The following ACVR2A variants were observed in gnomAD, a reference collection of about 807,000 sequenced individuals.
ACVR2A encodes activin receptor type-2A.
A neutral mutation model predicts 61.4 loss-of-function variants in ACVR2A; 7 were observed. The ratio of observed to expected loss-of-function variants is 0.11; its 90% CI spans 0.06 to 0.21. The LOEUF (loss-of-function observed/expected upper bound fraction) is 0.21, where lower values mean the gene tolerates loss of function less well. Among genes scored for constraint, ACVR2A ranks in the 10% least tolerant of loss-of-function variants. The pLI, the probability that ACVR2A is intolerant of heterozygous loss-of-function variation, is 1.00. For synonymous variants in ACVR2A, 193 were observed against 208.3 expected (o/e 0.93, Z 0.63); for missense variants, 322 against 621.7 (o/e 0.52, Z 5.13).
intron 1 of ACVR2A, among the ~76,000 whole-genome samples, chr2:147,868,621 T>TTTTATTTA (rs566332005): frequency 6.6e-6 from 1 of 150,956 alleles, no homozygotes; most frequent in African/African-American, 2.4e-5. Context: ...TTTTATTTTA[T>TTTTATTTA]TTTATTTATT....
intron 1 of ACVR2A, among the ~76,000 whole-genome samples, chr2:147,870,354 ACT>A (rs1023447334): frequency 5.9e-5 from 9 of 151,982 alleles, no homozygotes; most frequent in Admixed American, 2.0e-4. Context: ...ATCTGAAATA[ACT>A]CTATGTATCT....
intron 1 of ACVR2A, among the ~76,000 whole-genome samples, chr2:147,850,901 A>G (rs1685430286): frequency 6.6e-6 from 1 of 152,142 alleles, no homozygotes; most frequent in South Asian, 2.1e-4. Flanking sequence ...TTGAACTGTT[A>G]GAGTGGTGGA....
intron 4 of ACVR2A, among the ~76,000 whole-genome samples, chr2:147,909,996 G>T (rs555310130): frequency 1.3e-5 from 2 of 152,278 alleles, no homozygotes; most frequent in South Asian, 4.1e-4. Context: ...ATACATTGAG[G>T]ACTGTTGCTG....
chr2:147,894,163 A>T (rs2105187638), intron 1 of ACVR2A, among the ~76,000 whole-genome samples: 1 of 152,118 alleles, frequency 6.6e-6, no homozygotes, highest in East Asian at 1.9e-4. Flanking sequence ...TCTTTTCTCT[A>T]CATCAGTTGA....
At chr2:147,920,093 T>C in intron 7 of ACVR2A, 137 bp from the exon 8 acceptor site, 1 of 614,588 alleles carries the variant, frequency 1.6e-6, no homozygotes, top group Non-Finnish European at 2.8e-6. Context: ...GCTTTGTTTG[T>C]CTCACTTTCT....
intron 2 of ACVR2A, 174 bp downstream of exon 2, chr2:147,896,682 T>A: frequency 1.7e-6 from 1 of 593,932 alleles, no homozygotes; most frequent in Non-Finnish European, 2.9e-6. Flanking sequence ...TTTAAAGTAA[T>A]AAACATGGCA....
rs149513896 is a variant in ACVR2A at position 147,912,633 on chromosome 2, C to A, written c.529-2558C>A. 7.0e-3 allele frequency among the ~76,000 whole-genome samples: 1,057 copies of A among 151,866 alleles called. 10 individuals carry two copies. Among genetic ancestry groups the A allele is most frequent in the African/African-American group, 0.024 (993 of 41,482 alleles). Reference sequence around the variant, plus strand: ...ATAATGATGCCAATTAATTGAAAATCATTTCTACTATTATAGGATGAGTGA... The same window carrying A: ...ATAATGATGCCAATTAATTGAAAATAATTTCTACTATTATAGGATGAGTGA... On this transcript the variant is annotated intron_variant, in intron 4 of 10. Transcript: ENST00000241416.
At chr2:147,856,444 A>C (rs982641784) in intron 1 of ACVR2A, among the ~76,000 whole-genome samples, 51 of 152,164 alleles carry the variant, frequency 3.4e-4, no homozygotes, top group African/African-American at 1.2e-3. Context: ...TTACCCTATA[A>C]ATACTATAGG....
intron 1 of ACVR2A, among the ~76,000 whole-genome samples, chr2:147,850,608 A>G (rs182520655): frequency 6.6e-6 from 1 of 152,272 alleles, no homozygotes; most frequent in Admixed American, 6.5e-5. Flanking sequence ...TCTGTGGTAG[A>G]TTTAATTCTG....
At chr2:147,911,973 G>T (rs1687130534) in intron 4 of ACVR2A, among the ~76,000 whole-genome samples, 1 of 151,990 alleles carries the variant, frequency 6.6e-6, no homozygotes, top group African/African-American at 2.4e-5. Flanking sequence ...ATGTGAAATA[G>T]ATATTTTTAG....
chr2:147,850,996 G>A (rs1038314390), intron 1 of ACVR2A, among the ~76,000 whole-genome samples: 18 of 152,134 alleles, frequency 1.2e-4, no homozygotes, highest in Admixed American at 1.2e-3. Flanking sequence ...TGTGGTGTCA[G>A]TGCTGCCAGT....
chr2:147,896,023 A>G (rs939208771), intron 1 of ACVR2A, among the ~76,000 whole-genome samples: 13 of 152,220 alleles, frequency 8.5e-5, no homozygotes, highest in African/African-American at 2.9e-4. Flanking sequence ...GTTTCATAAA[A>G]TTAACAATTT....
At chr2:147,846,447 T>C (rs774709744) in intron 1 of ACVR2A, among the ~76,000 whole-genome samples, 3 of 151,984 alleles carry the variant, frequency 2.0e-5, no homozygotes, top group Non-Finnish European at 2.9e-5. Flanking sequence ...ATATAATCTT[T>C]TGTAATGTAT....
chr2:147,900,070 G>A (rs1004256471), intron 4 of ACVR2A, among the ~76,000 whole-genome samples, 172 bp downstream of exon 4: 6 of 152,066 alleles, frequency 3.9e-5, no homozygotes, highest in African/African-American at 1.2e-4. Flanking sequence ...TGTACCTACC[G>A]TGTCCTTAAC....
At chr2:147,899,394 ACACTTGT>A in intron 2 of ACVR2A, 57 bp from the exon 3 acceptor site, 6 of 1,024,280 alleles carry the variant, frequency 5.9e-6, no homozygotes, top group Non-Finnish European at 8.2e-6. Context: ...CAGAATAAAA[ACACTTGT>A]TGTAGGGTCA....
rs199921967 is a variant in ACVR2A at position 147,896,281 on chromosome 2, T to C, written c.56-20T>C. 2 of 1,584,472 alleles carry C rather than the reference T, an allele frequency of 1.3e-6. No homozygotes were observed. Among genetic ancestry groups the C allele is most frequent in the African/African-American group, 2.7e-5 (2 of 74,152 alleles). Reference sequence around the variant, plus strand: ...TTTAACAGATAATGTGGTTATATTATTGTTTTTATTATCTTATAGGTGCTA... The same window carrying C: ...TTTAACAGATAATGTGGTTATATTACTGTTTTTATTATCTTATAGGTGCTA... On this transcript the variant is annotated intron_variant, in intron 1 of 10. Coordinates refer to ENST00000241416, the MANE Select transcript of ACVR2A (RefSeq NM_001616.5).
intron 10 of ACVR2A, among the ~76,000 whole-genome samples, chr2:147,926,489 A>C (rs114363138): frequency 1.3e-5 from 2 of 152,072 alleles, no homozygotes; most frequent in East Asian, 3.9e-4. Flanking sequence ...ACCACTTCCA[A>C]TATGACAACA....
intron 1 of ACVR2A, among the ~76,000 whole-genome samples, chr2:147,860,451 T>C (rs763340941): frequency 2.0e-5 from 3 of 152,062 alleles, no homozygotes; most frequent in South Asian, 2.1e-4. Context: ...TAATTGAAAA[T>C]AGTTCTTTTT....
chr2:147,900,105 G>T (rs1355498637), intron 4 of ACVR2A, among the ~76,000 whole-genome samples: 1 of 152,070 alleles, frequency 6.6e-6, no homozygotes, highest in Non-Finnish European at 1.5e-5. Flanking sequence ...GGTTGAGGTC[G>T]AGTAGAATGA....
Sources: allele counts gnomAD v4.1 joint callset (sites outside exome capture counted in the v4.1 genomes callset), GRCh38; gene constraint gnomAD v4.1.1; transcripts MANE v1.5; gene names NCBI Gene and HGNC (gene_info 2026-07-23, HGNC 2026-07-21).